Variants in SFI1 observed in about 807,000 individuals in gnomAD.
SFI1 encodes protein SFI1 homolog.
A neutral mutation model predicts 207.5 loss-of-function variants in SFI1; 195 were observed. The observed-to-expected ratio is 0.94, with a 90% CI of 0.84 to 1.06. The LOEUF (loss-of-function observed/expected upper bound fraction) is 1.06. Ranked by LOEUF, SFI1 falls within the 50% of genes least tolerant of loss-of-function variation. The pLI is 0.00. For missense variants in SFI1, 1,634 were observed against 1,588.0 expected, an observed-to-expected ratio of 1.03 and a Z score of -0.49; for synonymous variants, 630 against 598.9, an observed-to-expected ratio of 1.05 and a Z score of -0.76.
At chr22:31,588,060 T>C (rs1315088094) in intron 14 of SFI1, 1 of 152,232 alleles carries the variant, frequency 6.6e-6, no homozygotes, top group African/African-American at 2.4e-5. Context: ...CATTCTATTA[T>C]GCTTTATGGA....
At chr22:31,557,132 A>C (rs2061246956) in intron 7 of SFI1, 73 bp downstream of exon 7, 1 of 901,848 alleles carries the variant, frequency 1.1e-6, no homozygotes, top group African/African-American at 1.7e-5. Flanking sequence ...GCTGGAAAAC[A>C]GCATAAAACC....
intron 15 of SFI1, among the ~76,000 whole-genome samples, chr22:31,600,989 C>T (rs1292557702): frequency 2.0e-5 from 3 of 152,216 alleles, no homozygotes; most frequent in African/African-American, 7.2e-5. Context: ...CCTGTGGCTT[C>T]ACCAACATGT....
intron 8 of SFI1, 72 bp downstream of exon 8, chr22:31,561,464 G>T (rs1300153206): frequency 2.3e-6 from 3 of 1,331,146 alleles, no homozygotes; most frequent in Non-Finnish European, 3.1e-6. Flanking sequence ...AGAGGGCAGT[G>T]CTGGGCCTTC....
intron 4 of SFI1, among the ~76,000 whole-genome samples, chr22:31,542,299 A>G (rs193022930): frequency 0.012 from 1,767 of 151,858 alleles, 10 homozygotes; most frequent in Middle Eastern, 0.031. Flanking sequence ...GTGTGTGTGT[A>G]TATTTGATGT....
intron 30 of SFI1, 43 bp from the exon 31 acceptor site, chr22:31,616,957 G>A (rs758642938): frequency 2.1e-5 from 34 of 1,613,460 alleles, no homozygotes; most frequent in African/African-American, 2.7e-5. Context: ...CCTGGTCCCC[G>A]AGGGGAAAAT....
chr22:31,614,249 T>C, intron 27 of SFI1: 1 of 331,886 alleles, frequency 3.0e-6, no homozygotes, highest in South Asian at 3.4e-5. Context: ...AGACACTGGC[T>C]TTTTGTCAGA....
At chr22:31,589,296 C>T in intron 14 of SFI1, 151 bp from the exon 15 acceptor site, 1 of 806,850 alleles carries the variant, frequency 1.2e-6, no homozygotes, top group Middle Eastern at 3.9e-4. Flanking sequence ...CATTTTTCAC[C>T]TAGCATATTG....
At chr22:31,542,373 A>G (rs1213728032) in intron 4 of SFI1, among the ~76,000 whole-genome samples, 3 of 151,962 alleles carry the variant, frequency 2.0e-5, no homozygotes, top group Non-Finnish European at 4.4e-5. Context: ...CATACCTGTA[A>G]TCCCAGCACT....
In SFI1 at chr22:31,578,164, A is replaced by G. The variant is rs1418885709; in HGVS notation, c.1085-218A>G. 6.3e-5 allele frequency: 23 copies of G among 363,616 alleles called. No individual in the cohort carries two copies. The East Asian group carries it at 9.0e-4, about 14-fold the overall frequency. The allele number at this position is 363,616 out of a possible 1,614,324, so 22.5% of individuals were successfully genotyped here. A position where few individuals can be genotyped will look rare whatever the true frequency, so the allele number is the denominator to read the frequency against. On this transcript the variant is annotated intron_variant, in intron 10 of 32. Coordinates refer to ENST00000400288, the MANE Select transcript of SFI1 (RefSeq NM_001007467.3). ...TTGCGTCTCATCTCATGGGCATTCA[A>G]GGGGAGGAATGCAAGACCAGATGTT...
At position 31,613,605 on chromosome 22, in the gene SFI1, G is replaced by A; in HGVS notation, c.2746G>A (p.Ala916Thr). Residue 916 changes from alanine (A) to threonine (T), a missense_variant, in exon 27 of 33, where the codon GCT (alanine) becomes ACT (threonine). By Grantham distance (58) the Ala-to-Thr change is moderately conservative (BLOSUM62 0). Coordinates refer to ENST00000400288, the MANE Select transcript of SFI1 (RefSeq NM_001007467.3). ...CTGACCAGAGGCTGTGTTGTAGGCG[G>A]CTCACAGTCTCCATCGTGCCGTCCG... ...QLQAQQQVQA[A>T]HSLHRAVRRC... The A allele has an allele frequency of 6.3e-7, 1 of 1,580,536 alleles. No homozygotes were observed. Among genetic ancestry groups the A allele is most frequent in the South Asian group, 1.1e-5 (1 of 87,568 alleles).
At chr22:31,582,236 ATTTT>A (rs1161846940) in intron 12 of SFI1, among the ~76,000 whole-genome samples, 3 of 10,136 alleles carry the variant, frequency 3.0e-4, no homozygotes, top group Non-Finnish European at 1.7e-4. Flanking sequence ...ATATATATAT[ATTTT>A]TTTTTTTTTT....
intron 6 of SFI1, among the ~76,000 whole-genome samples, chr22:31,553,838 GTTTTTTTTTT>G (rs58333559): frequency 2.3e-4 from 6 of 26,306 alleles, no homozygotes; most frequent in South Asian, 1.9e-3. Flanking sequence ...AATGGATTAT[GTTTTTTTTTT>G]TTTTTTTTTT....
At chr22:31,508,456 T>C in intron 2 of SFI1, 80 bp downstream of exon 2, 1 of 1,073,376 alleles carries the variant, frequency 9.3e-7, no homozygotes, top group Non-Finnish European at 1.4e-6. Context: ...ATGAAAAAAT[T>C]ATAAATTATG....
At chr22:31,609,513 T>G (rs2069686981) in intron 22 of SFI1, among the ~76,000 whole-genome samples, 1 of 152,174 alleles carries the variant, frequency 6.6e-6, no homozygotes, top group Non-Finnish European at 1.5e-5. Context: ...ATTTAGAAAT[T>G]GTTTAAATTG....
Position 31,514,734 on chromosome 22 carries a change from A to G in SFI1, c.92+6358A>G, listed in dbSNP as rs1455291724. Among the ~76,000 whole-genome samples, 3 of 150,030 alleles carry G rather than the reference A, an allele frequency of 2.0e-5. No homozygotes were observed. The East Asian group carries it at 5.9e-4, about 29-fold the overall frequency. On this transcript the variant is annotated intron_variant, in intron 2 of 32. Coordinates refer to ENST00000400288, the MANE Select transcript of SFI1 (RefSeq NM_001007467.3). ...TATTTCACTTAATATAATGTTCTCC[A>G]TTTCCGAAATTCATGTTGTCGAAAA... is the stretch of plus-strand genomic sequence containing the variant.
intron 15 of SFI1, among the ~76,000 whole-genome samples, chr22:31,599,024 G>C (rs5998056): frequency 1 from 150,080 of 150,816 alleles, 74,677 homozygotes; most frequent in Middle Eastern, 1. Context: ...GAACTCCTAA[G>C]CTTGTGATCC....
chr22:31,522,064 C>CTTTTTT (rs752422385), intron 2 of SFI1, among the ~76,000 whole-genome samples: 6 of 76,378 alleles, frequency 7.9e-5, no homozygotes, highest in Admixed American at 1.9e-4. Flanking sequence ...TACACCTGGC[C>CTTTTTT]TTTTTTTTTT....
chr22:31,598,445 G>T (rs952497087), intron 15 of SFI1, among the ~76,000 whole-genome samples: 5 of 151,132 alleles, frequency 3.3e-5, no homozygotes, highest in Admixed American at 1.3e-4. Flanking sequence ...GTTTTGCATG[G>T]TTTTTTTCTT....
intron 29 of SFI1, chr22:31,615,504 G>A: frequency 2.4e-6 from 1 of 416,744 alleles, no homozygotes; most frequent in Non-Finnish European, 4.2e-6. Flanking sequence ...TCTAGTCAGA[G>A]ACAAGCAAAG....
Sources: gnomAD v4.1 joint callset for allele counts (sites outside exome capture counted in the v4.1 genomes callset) on GRCh38, gnomAD v4.1.1 for gene constraint, MANE v1.5 for transcripts, NCBI Gene and HGNC (gene_info 2026-07-23, HGNC 2026-07-21) for gene names.